Variants in ALDH1A2 observed in about 807,000 individuals in gnomAD.
ALDH1A2 encodes the protein retinal dehydrogenase 2.
A neutral mutation model predicts 60.3 loss-of-function variants in ALDH1A2; 27 were observed. The observed-to-expected ratio is 0.45, with a 90% CI of 0.33 to 0.62. ALDH1A2 has a LOEUF of 0.62. ALDH1A2 is among the 20% of genes least tolerant of loss of function. ALDH1A2 has a pLI of 0.02. For synonymous variants in ALDH1A2, 289 were observed against 232.4 expected (o/e 1.24, Z -2.21); for missense variants, 581 against 643.8 (o/e 0.90, Z 1.06).
At chr15:57,956,193 C>A (rs1374386382) in intron 12 of ALDH1A2, among the ~76,000 whole-genome samples, 4 of 152,046 alleles carry the variant, frequency 2.6e-5, no homozygotes, top group Non-Finnish European at 5.9e-5. Flanking sequence ...ACCTGATGAC[C>A]AAGGAAGGAA....
chr15:58,012,414 G>A (rs1895659653), intron 3 of ALDH1A2, among the ~76,000 whole-genome samples: 1 of 152,116 alleles, frequency 6.6e-6, no homozygotes, highest in African/African-American at 2.4e-5. Flanking sequence ...CCAGTGAAAA[G>A]ACAAGTAATG....
At chr15:57,979,713 G>T in intron 7 of ALDH1A2, 1 of 262,476 alleles carries the variant, frequency 3.8e-6, no homozygotes, top group Non-Finnish European at 7.6e-6. Flanking sequence ...TGTGCTGGGA[G>T]CCTCAGTAGC....
At chr15:57,970,777 A>G (rs1173171237) in intron 7 of ALDH1A2, among the ~76,000 whole-genome samples, 1 of 152,202 alleles carries the variant, frequency 6.6e-6, no homozygotes, top group African/African-American at 2.4e-5. Flanking sequence ...TAAACTAGTT[A>G]AAGATGCCTG....
Position 57,993,030 on chromosome 15 carries a change from G to A in ALDH1A2, c.599C>T (p.Ala200Val), listed in dbSNP as rs1894946695. ...AACTACTGTATTGCCACAGCACAAA[G>A]CTGGAGCTATTTTCCAGGCAAACAT... is the stretch of plus-strand genomic sequence containing the variant. ...LLMFAWKIAPALCCGNTVVIK... is the reference protein window; with the variant it reads ...LLMFAWKIAPVLCCGNTVVIK... Residue 200 changes from alanine to valine, a missense_variant, in exon 6 of 13, where the codon GCT (alanine) becomes GTT (valine). Physicochemically the swap from Ala to Val is moderately conservative, Grantham distance 64 (BLOSUM62 0). Coordinates refer to ENST00000249750, the MANE Select transcript of ALDH1A2 (RefSeq NM_003888.4). 1 of 1,613,428 alleles carries A rather than the reference G, an allele frequency of 6.2e-7. No homozygotes were observed. The highest frequency in any genetic ancestry group is 8.5e-7 in the Non-Finnish European group (1 of 1,179,952).
intron 9 of ALDH1A2, 27 bp from the exon 10 acceptor site, chr15:57,962,203 C>T: frequency 5.0e-6 from 8 of 1,608,572 alleles, no homozygotes; most frequent in Non-Finnish European, 6.8e-6. Context: ...TTAATGACTC[C>T]AAATATAACC....
intron 7 of ALDH1A2, among the ~76,000 whole-genome samples, chr15:57,975,774 A>T (rs959356509): frequency 6.6e-5 from 10 of 152,062 alleles, no homozygotes; most frequent in African/African-American, 2.2e-4. Context: ...AATTCTAGAA[A>T]ATGCAGATAA....
chr15:57,992,339 G>A (rs1214897915), intron 7 of ALDH1A2, among the ~76,000 whole-genome samples: 3 of 152,186 alleles, frequency 2.0e-5, no homozygotes, highest in African/African-American at 7.2e-5. Flanking sequence ...TACCGGACCT[G>A]TCCAAACAAT....
At chr15:58,036,956 G>A (rs1188057711) in intron 1 of ALDH1A2, among the ~76,000 whole-genome samples, 2 of 151,712 alleles carry the variant, frequency 1.3e-5, no homozygotes, top group East Asian at 3.9e-4. Flanking sequence ...TTATTCAGCC[G>A]GCCTGATCAG....
intron 1 of ALDH1A2, among the ~76,000 whole-genome samples, chr15:58,049,597 C>T (rs1896723801): frequency 6.6e-6 from 1 of 152,004 alleles, no homozygotes; most frequent in African/African-American, 2.4e-5. Flanking sequence ...TTTGCTAAAC[C>T]AGCAGAGACA....
intron 7 of ALDH1A2, chr15:57,980,479 G>C (rs1399668162): frequency 3.5e-6 from 1 of 283,838 alleles, no homozygotes; most frequent in African/African-American, 2.2e-5. Flanking sequence ...AGATAATCCC[G>C]TCCTTCAGGC....
chr15:58,019,243 C>T (rs1351017916), intron 1 of ALDH1A2, among the ~76,000 whole-genome samples: 2 of 151,942 alleles, frequency 1.3e-5, no homozygotes, highest in African/African-American at 2.4e-5. Flanking sequence ...AACGAAGAAA[C>T]GAGGATTCAA....
intron 7 of ALDH1A2, among the ~76,000 whole-genome samples, chr15:57,991,780 C>G (rs182368150): frequency 7.2e-5 from 11 of 152,240 alleles, no homozygotes; most frequent in Admixed American, 7.2e-4. Flanking sequence ...AAATGTTGCT[C>G]TCATTCTATT....
intron 1 of ALDH1A2, among the ~76,000 whole-genome samples, chr15:58,024,499 A>G (rs1431757175): frequency 6.6e-6 from 1 of 152,194 alleles, no homozygotes; most frequent in African/African-American, 2.4e-5. Flanking sequence ...GAGGGAATCA[A>G]TTCAACAAGA....
chr15:58,001,288 ACT>A (rs1384806392), intron 4 of ALDH1A2, among the ~76,000 whole-genome samples: 1 of 151,892 alleles, frequency 6.6e-6, no homozygotes, highest in African/African-American at 2.4e-5. Context: ...CATATTAATG[ACT>A]CTTGTGAGGA....
chr15:58,023,188 G>A (rs1895980884), intron 1 of ALDH1A2, among the ~76,000 whole-genome samples: 1 of 152,024 alleles, frequency 6.6e-6, no homozygotes, highest in Non-Finnish European at 1.5e-5. Context: ...ATAATTCATT[G>A]AAGGGAAAAA....
chr15:58,015,561 CAATA>C (rs1292618892), intron 1 of ALDH1A2, among the ~76,000 whole-genome samples: 1 of 152,068 alleles, frequency 6.6e-6, no homozygotes, highest in East Asian at 1.9e-4. Context: ...AAAATTTACC[CAATA>C]AATACTCAGA....
At chr15:58,031,748 G>T (rs1397415039) in intron 1 of ALDH1A2, among the ~76,000 whole-genome samples, 2 of 152,068 alleles carry the variant, frequency 1.3e-5, no homozygotes, top group Non-Finnish European at 1.5e-5. Context: ...ACAGACACCT[G>T]AAAAAATGCT....
intron 2 of ALDH1A2, 47 bp from the exon 3 acceptor site, chr15:58,014,045 AG>A: frequency 1.2e-6 from 2 of 1,614,098 alleles, no homozygotes. Flanking sequence ...CTCCAAATAA[AG>A]GAAGAACCAT....
intron 1 of ALDH1A2, among the ~76,000 whole-genome samples, chr15:58,047,967 G>A (rs1896675792): frequency 6.6e-6 from 1 of 151,982 alleles, no homozygotes; most frequent in East Asian, 1.9e-4. Context: ...CAAAAAGCAT[G>A]GTTTTAGAAA....
Sources: allele counts gnomAD v4.1 joint callset (sites outside exome capture counted in the v4.1 genomes callset), GRCh38; gene constraint gnomAD v4.1.1; transcripts MANE v1.5; gene names NCBI Gene and HGNC (gene_info 2026-07-23, HGNC 2026-07-21).